The following EXOC6B variants were observed in gnomAD, a reference collection of about 807,000 sequenced individuals.
EXOC6B encodes exocyst complex component 6B.
In EXOC6B, 54 loss-of-function variants were observed where a neutral mutation model predicts 113.5. That is an observed-to-expected ratio of 0.48 (90% CI 0.38 to 0.60). The LOEUF is 0.60. Among genes scored for constraint, EXOC6B ranks in the 20% least tolerant of loss-of-function variants. EXOC6B has a pLI of 0.00. For synonymous variants in EXOC6B, 357 were observed against 339.0 expected (o/e 1.05, Z -0.58); for missense variants, 797 against 977.5 (o/e 0.82, Z 2.46).
chr2:72,700,237 A>AACACACACACACAC (rs3034948), intron 6 of EXOC6B, among the ~76,000 whole-genome samples: 6,835 of 142,292 alleles, frequency 0.048, 362 homozygotes, highest in African/African-American at 0.13. Flanking sequence ...AGACCACAGA[A>AACACACACACACAC]ACACACACAC....
In EXOC6B at chr2:72,487,979, A is replaced by G. The variant is rs538870431; in HGVS notation, c.1665+4339T>C. Among the ~76,000 whole-genome samples the G allele has an allele frequency of 9.8e-5, 15 of 152,312 alleles. No individual in the cohort carries two copies. In the East Asian group the frequency reaches 1.4e-3, roughly 14 times the overall value. On this transcript the variant is annotated intron_variant, in intron 16 of 21. Coordinates refer to ENST00000272427, the MANE Select transcript of EXOC6B (RefSeq NM_015189.3). ...ACTTCACAATCACCTTGTAGTGGCAATAGTATCTATATTAGTTATTTGAAA... is the reference window on the plus strand; with the variant it reads ...ACTTCACAATCACCTTGTAGTGGCAGTAGTATCTATATTAGTTATTTGAAA...
intron 6 of EXOC6B, among the ~76,000 whole-genome samples, chr2:72,688,000 C>T (rs1043011133): frequency 6.6e-6 from 1 of 151,882 alleles, no homozygotes; most frequent in Non-Finnish European, 1.5e-5. Flanking sequence ...GTAATTTTAC[C>T]AGCCCCTCCA....
intron 6 of EXOC6B, among the ~76,000 whole-genome samples, chr2:72,631,112 G>A (rs1383252566): frequency 6.6e-6 from 1 of 152,016 alleles, no homozygotes; most frequent in Non-Finnish European, 1.5e-5. Context: ...TGTGTGAACA[G>A]GCAATTAGAG....
At chr2:72,804,023 C>T (rs1256662229) in intron 1 of EXOC6B, among the ~76,000 whole-genome samples, 1 of 152,182 alleles carries the variant, frequency 6.6e-6, no homozygotes, top group Non-Finnish European at 1.5e-5. Flanking sequence ...ACAGGAGCTT[C>T]TGAGCTATGT....
rs184269767 is a variant in EXOC6B at position 72,454,075 on chromosome 2, T to G, written c.1980+11085A>C. Among the ~76,000 whole-genome samples the G allele has an allele frequency of 4.4e-3, 668 of 152,310 alleles. 3 individuals are homozygous for G. The highest frequency in any genetic ancestry group is 0.015 in the African/African-American group (631 of 41,566). The stretch of plus-strand genomic sequence containing the variant: ...CTCCCATGGTTCAATTATCTCCACC[T>G]GGTCCCACCCCTGACACGCGGGGAT... On this transcript the variant is annotated intron_variant, in intron 18 of 21. Coordinates refer to ENST00000272427, the MANE Select transcript of EXOC6B (RefSeq NM_015189.3).
chr2:72,287,438 A>AAAAAT lies in EXOC6B; in HGVS notation c.2196+47508_2196+47509insATTTT, dbSNP rs1438980943. Among the ~76,000 whole-genome samples the AAAAAT allele has an allele frequency of 8.6e-5, 13 of 150,294 alleles. 1 individual carries two copies. Among genetic ancestry groups the AAAAAT allele is most frequent in the African/African-American group, 2.9e-4 (12 of 40,984 alleles). Reference sequence around the variant, plus strand: ...AGAGTGAGACTTCATCTCAAAAAAAAAAAAATAAAAATAAAAATAAAAATA... The same window carrying AAAAAT: ...AGAGTGAGACTTCATCTCAAAAAAAAAAAATAAAAATAAAAATAAAAATAAAAATA... On this transcript the variant is annotated intron_variant, in intron 20 of 21. Transcript: ENST00000272427.
At chr2:72,212,906 G>A (rs11899672) in intron 20 of EXOC6B, among the ~76,000 whole-genome samples, 29,237 of 152,136 alleles carry the variant, frequency 0.19, 4,902 homozygotes, top group African/African-American at 0.46. Context: ...CCCATCCCAT[G>A]TGCTGTTTTG....
intron 11 of EXOC6B, among the ~76,000 whole-genome samples, chr2:72,507,220 T>G (rs1353067628): frequency 6.6e-6 from 1 of 152,206 alleles, no homozygotes; most frequent in East Asian, 1.9e-4. Context: ...GAGATTTGAT[T>G]TGATGTTTGG....
chr2:72,686,433 C>T (rs1677095460), intron 6 of EXOC6B, among the ~76,000 whole-genome samples: 1 of 152,130 alleles, frequency 6.6e-6, no homozygotes, highest in African/African-American at 2.4e-5. Context: ...AGAAGAAGTA[C>T]TATTTTCAAT....
At chr2:72,725,476 C>T (rs1273560625) in intron 5 of EXOC6B, among the ~76,000 whole-genome samples, 2 of 152,206 alleles carry the variant, frequency 1.3e-5, no homozygotes, top group Non-Finnish European at 2.9e-5. Context: ...CTGCAACCTC[C>T]GCCTCCCTGG....
intron 6 of EXOC6B, among the ~76,000 whole-genome samples, chr2:72,603,073 GTTTT>G (rs61465336): frequency 7.0e-6 from 1 of 142,846 alleles, no homozygotes; most frequent in African/African-American, 2.6e-5. Context: ...CGGACAGATG[GTTTT>G]TTTTTTTTTT....
At chr2:72,333,254 G>A (rs898561095) in intron 20 of EXOC6B, among the ~76,000 whole-genome samples, 5 of 152,112 alleles carry the variant, frequency 3.3e-5, no homozygotes, top group Admixed American at 6.6e-5. Flanking sequence ...ATTCATTCCC[G>A]ACTCTGATCC....
At chr2:72,752,441 C>T (rs1218794892) in intron 1 of EXOC6B, among the ~76,000 whole-genome samples, 1 of 151,770 alleles carries the variant, frequency 6.6e-6, no homozygotes, top group African/African-American at 2.4e-5. Flanking sequence ...CCCATCTTAA[C>T]AAAACAACAC....
At chr2:72,519,757 A>AT (rs1701393394) in intron 8 of EXOC6B, among the ~76,000 whole-genome samples, 2 of 152,210 alleles carry the variant, frequency 1.3e-5, no homozygotes, top group African/African-American at 4.8e-5. Flanking sequence ...TACTGGGCAT[A>AT]TTTAATTGAT....
chr2:72,594,929 A>G (rs1558827592), intron 6 of EXOC6B, among the ~76,000 whole-genome samples: 1 of 152,194 alleles, frequency 6.6e-6, no homozygotes. Flanking sequence ...GAAAATACAC[A>G]TCTAGAAATT....
chr2:72,692,471 C>G (rs1187497453), intron 6 of EXOC6B, among the ~76,000 whole-genome samples: 1 of 151,846 alleles, frequency 6.6e-6, no homozygotes, highest in Admixed American at 6.6e-5. Flanking sequence ...CCTGCCTCAG[C>G]CTCCTGAGCA....
intron 11 of EXOC6B, among the ~76,000 whole-genome samples, chr2:72,508,583 C>T (rs1373433733): frequency 1.3e-5 from 2 of 151,992 alleles, no homozygotes; most frequent in African/African-American, 4.8e-5. Context: ...ACCAGCCTGG[C>T]CAACATGGCG....
intron 6 of EXOC6B, among the ~76,000 whole-genome samples, chr2:72,697,105 C>CAGATATAGATAT (rs70963140): frequency 0.12 from 16,744 of 142,602 alleles, 1,060 homozygotes; most frequent in Middle Eastern, 0.16. Context: ...TTTTTATATA[C>CAGATATAGATAT]AGATATAGAT....
At chr2:72,223,130 T>A (rs918070487) in intron 20 of EXOC6B, among the ~76,000 whole-genome samples, 1 of 152,136 alleles carries the variant, frequency 6.6e-6, no homozygotes, top group Admixed American at 6.5e-5. Context: ...CTCTAATTCG[T>A]TGAAAATGTA....
Sources: gnomAD v4.1 joint callset for allele counts (sites outside exome capture counted in the v4.1 genomes callset) on GRCh38, gnomAD v4.1.1 for gene constraint, MANE v1.5 for transcripts, NCBI Gene and HGNC (gene_info 2026-07-23, HGNC 2026-07-21) for gene names.